Variants in NAALADL2 observed in about 807,000 individuals in gnomAD.
The protein encoded by NAALADL2 is N-acetylated alpha-linked acidic dipeptidase like 2, also known as inactive N-acetylated-alpha-linked acidic dipeptidase-like protein 2.
Under a neutral mutation model 87.2 loss-of-function variants are expected in NAALADL2, and 76 were observed. That is an observed-to-expected ratio of 0.87 (90% CI 0.72 to 1.05). The LOEUF (loss-of-function observed/expected upper bound fraction) is 1.05, where lower values mean the gene tolerates loss of function less well. NAALADL2 is among the 50% of genes least tolerant of loss of function. The pLI is 0.00. For missense variants in NAALADL2, 1,089 were observed against 945.8 expected (o/e 1.15, Z -1.99); for synonymous variants, 354 against 331.0 (o/e 1.07, Z -0.75).
intron 5 of NAALADL2, among the ~76,000 whole-genome samples, chr3:175,373,071 A>T (rs1482786297): frequency 6.6e-6 from 1 of 152,190 alleles, no homozygotes. Flanking sequence ...CTGCAATTGA[A>T]CATGCAACCA....
chr3:174,718,887 G>T (rs1210534003), intron 2 of NAALADL2, among the ~76,000 whole-genome samples: 3 of 152,170 alleles, frequency 2.0e-5, no homozygotes, highest in Non-Finnish European at 4.4e-5. Context: ...AGTGAGAGCA[G>T]TAAGAAGTTA....
chr3:175,528,389 C>T (rs1733692352), intron 9 of NAALADL2, among the ~76,000 whole-genome samples: 1 of 152,038 alleles, frequency 6.6e-6, no homozygotes, highest in African/African-American at 2.4e-5. Context: ...CATTTTTCTG[C>T]CTGCTTTATA....
chr3:175,073,478 T>C (rs1716026270), intron 1 of NAALADL2, among the ~76,000 whole-genome samples: 1 of 152,044 alleles, frequency 6.6e-6, no homozygotes, highest in Non-Finnish European at 1.5e-5. Context: ...CAAAGAGAGG[T>C]TACCACGGTT....
In NAALADL2 at chr3:175,079,011, A is replaced by G. The variant is rs73037218; in HGVS notation, c.44-17779A>G. ...TAACTTTTTGAGGAAACCTCAGACT[A>G]TTTTCCAAAGCAGCTGCACCATTAT... is the stretch of plus-strand genomic sequence containing the variant. On this transcript the variant is annotated intron_variant, in intron 1 of 13. Coordinates refer to ENST00000454872, the MANE Select transcript of NAALADL2 (RefSeq NM_207015.3). Among the ~76,000 whole-genome samples, 211 of 152,258 alleles carry G rather than the reference A, an allele frequency of 1.4e-3. 1 individual carries two copies. The highest frequency in any genetic ancestry group is 4.9e-3 in the African/African-American group (202 of 41,538).
intron 13 of NAALADL2, among the ~76,000 whole-genome samples, chr3:175,782,781 A>T (rs1751334719): frequency 6.9e-6 from 1 of 145,956 alleles, no homozygotes; most frequent in Non-Finnish European, 1.5e-5. Context: ...GTCCTTGCCC[A>T]TGCCTATGTC....
chr3:174,837,946 A>G (rs986977497), intron 3 of NAALADL2, among the ~76,000 whole-genome samples: 5 of 151,512 alleles, frequency 3.3e-5, no homozygotes, highest in Non-Finnish European at 7.4e-5. Context: ...AGAGAAAGAG[A>G]GAAACCTCCC....
chr3:174,707,126 A>G (rs1467201091), intron 2 of NAALADL2, among the ~76,000 whole-genome samples: 2 of 152,224 alleles, frequency 1.3e-5, no homozygotes, highest in Admixed American at 1.3e-4. Flanking sequence ...AATGGCAGTC[A>G]TTAAAAAGTC....
At chr3:174,655,697 T>G (rs1407857480) in intron 2 of NAALADL2, among the ~76,000 whole-genome samples, 3 of 152,160 alleles carry the variant, frequency 2.0e-5, no homozygotes, top group Non-Finnish European at 4.4e-5. Flanking sequence ...GGATTTAAAA[T>G]GAAAAATGGA....
At chr3:175,773,089 T>C (rs2150184800) in intron 13 of NAALADL2, 1 of 152,116 alleles carries the variant, frequency 6.6e-6, no homozygotes, top group South Asian at 2.1e-4. Flanking sequence ...AACTCCAGTC[T>C]TCAGGAGATG....
intron 8 of NAALADL2, among the ~76,000 whole-genome samples, chr3:175,468,583 C>A (rs2149284122): frequency 6.6e-6 from 1 of 151,788 alleles, no homozygotes; most frequent in African/African-American, 2.4e-5. Flanking sequence ...TTTTCGAATT[C>A]CAAAGATGTA....
At chr3:174,897,876 G>C (rs943986364) in intron 1 of NAALADL2, among the ~76,000 whole-genome samples, 1 of 137,892 alleles carries the variant, frequency 7.3e-6, no homozygotes. Flanking sequence ...CACTTTGGGA[G>C]GCCGAGGCGG....
intron 1 of NAALADL2, among the ~76,000 whole-genome samples, chr3:175,015,452 G>A (rs953600419): frequency 6.6e-6 from 1 of 152,074 alleles, no homozygotes; most frequent in African/African-American, 2.4e-5. Context: ...CTCATGTCAC[G>A]CTTTAGGACT....
intron 1 of NAALADL2, among the ~76,000 whole-genome samples, chr3:175,008,167 C>A (rs1749288242): frequency 6.6e-6 from 1 of 152,042 alleles, no homozygotes; most frequent in Non-Finnish European, 1.5e-5. Context: ...CAATTAAGGC[C>A]AGGAGTTTGA....
intron 10 of NAALADL2, among the ~76,000 whole-genome samples, chr3:175,600,126 C>G (rs187088667): frequency 3.3e-5 from 5 of 151,722 alleles, no homozygotes; most frequent in Admixed American, 3.3e-4. Flanking sequence ...AATAAATATT[C>G]AATAGATATA....
At chr3:174,883,940 G>A (rs1473795900) in intron 1 of NAALADL2, among the ~76,000 whole-genome samples, 2 of 152,132 alleles carry the variant, frequency 1.3e-5, no homozygotes. Context: ...TACCTCCACT[G>A]TGGAGTAGTA....
intron 5 of NAALADL2, among the ~76,000 whole-genome samples, chr3:175,435,632 A>T (rs1350638934): frequency 6.6e-6 from 1 of 152,082 alleles, no homozygotes; most frequent in African/African-American, 2.4e-5. Context: ...GAATGATGGT[A>T]ACTCATATAT....
At position 175,366,710 on chromosome 3, in the gene NAALADL2, G is replaced by A. The variant is rs1765627539; in HGVS notation, c.1090+42385G>A. 2.0e-5 allele frequency among the ~76,000 whole-genome samples: 3 copies of A among 150,446 alleles called. No individual in the cohort carries two copies. The South Asian group carries it at 6.3e-4, about 32-fold the overall frequency. The stretch of plus-strand genomic sequence containing the variant: ...CGCCCACTTTTTGATGGGGTTGTTT[G>A]TTTTTTTCTTGTAAATTTGTTTGAG... On this transcript the variant is annotated intron_variant, in intron 5 of 13. Coordinates refer to ENST00000454872, the MANE Select transcript of NAALADL2 (RefSeq NM_207015.3).
chr3:175,021,314 T>C (rs1580067269), intron 1 of NAALADL2, among the ~76,000 whole-genome samples: 1 of 152,190 alleles, frequency 6.6e-6, no homozygotes, highest in East Asian at 1.9e-4. Context: ...GTGTTTCTAG[T>C]ACCTGTATAG....
chr3:175,453,447 AC>A (rs1169075688), intron 6 of NAALADL2, among the ~76,000 whole-genome samples: 2 of 152,206 alleles, frequency 1.3e-5, no homozygotes, highest in East Asian at 3.9e-4. Flanking sequence ...AAGGCCCATT[AC>A]CCTCTAAATT....
Sources: gnomAD v4.1 joint callset for allele counts (sites outside exome capture counted in the v4.1 genomes callset) on GRCh38, gnomAD v4.1.1 for gene constraint, MANE v1.5 for transcripts, NCBI Gene and HGNC (gene_info 2026-07-23, HGNC 2026-07-21) for gene names.